SAE1: variants seen among roughly 807,000 people sequenced by gnomAD.
SAE1 encodes SUMO-activating enzyme subunit 1.
In SAE1, 11 loss-of-function variants were observed where a neutral mutation model predicts 40.6. That is an observed-to-expected ratio of 0.27 (90% CI 0.17 to 0.45). The LOEUF (loss-of-function observed/expected upper bound fraction) is 0.45, where lower values mean the gene tolerates loss of function less well. Ranked by LOEUF, SAE1 falls within the 20% of genes least tolerant of loss-of-function variation. SAE1 has a pLI of 1.00. For synonymous variants in SAE1, 155 were observed against 154.3 expected, an observed-to-expected ratio of 1.00 and a Z score of -0.03; for missense variants, 373 against 427.3, an observed-to-expected ratio of 0.87 and a Z score of 1.12.
chr19:47,200,043 G>T (rs952470768), intron 7 of SAE1, among the ~76,000 whole-genome samples: 1 of 151,426 alleles, frequency 6.6e-6, no homozygotes, highest in African/African-American at 2.4e-5. Flanking sequence ...CCATTCTCCT[G>T]CCTCAGCCTC....
chr19:47,175,583 C>CA (rs1434003817), intron 6 of SAE1, among the ~76,000 whole-genome samples: 2 of 151,898 alleles, frequency 1.3e-5, no homozygotes, highest in Non-Finnish European at 2.9e-5. Flanking sequence ...CTAAAAAACA[C>CA]AAAAATTAGC....
intron 6 of SAE1, among the ~76,000 whole-genome samples, chr19:47,174,019 C>CAG (rs1207180628): frequency 6.6e-6 from 1 of 151,904 alleles, no homozygotes; most frequent in Non-Finnish European, 1.5e-5. Context: ...CTCCTGACCT[C>CAG]GTGATCCACC....
chr19:47,170,708 A>G (rs1330205556), intron 6 of SAE1, among the ~76,000 whole-genome samples: 1 of 151,914 alleles, frequency 6.6e-6, no homozygotes, highest in African/African-American at 2.4e-5. Flanking sequence ...AAGTTTCTCC[A>G]TGTAGCCAGG....
chr19:47,176,659 TA>T (rs1568600767), intron 6 of SAE1, among the ~76,000 whole-genome samples: 1 of 152,164 alleles, frequency 6.6e-6, no homozygotes, highest in African/African-American at 2.4e-5. Flanking sequence ...AGATGTTTTT[TA>T]TTGCCCCATT....
intron 6 of SAE1, among the ~76,000 whole-genome samples, chr19:47,190,217 A>G (rs2058570420): frequency 1.3e-5 from 2 of 152,156 alleles, no homozygotes; most frequent in Non-Finnish European, 2.9e-5. Context: ...CAGTGTTTTG[A>G]TACGATTTGA....
At chr19:47,167,231 G>A (rs935251484) in intron 5 of SAE1, among the ~76,000 whole-genome samples, 11 of 151,874 alleles carry the variant, frequency 7.2e-5, no homozygotes, top group Admixed American at 5.9e-4. Flanking sequence ...TAGGATTACA[G>A]GTGTGAGCCA....
chr19:47,160,040 C>A (rs558435987), intron 5 of SAE1, among the ~76,000 whole-genome samples: 4 of 152,196 alleles, frequency 2.6e-5, no homozygotes, highest in South Asian at 4.1e-4. Context: ...ACCTTTGTTA[C>A]CAATGAAATG....
chr19:47,181,314 C>T (rs2058504485), intron 6 of SAE1, among the ~76,000 whole-genome samples: 1 of 151,744 alleles, frequency 6.6e-6, no homozygotes, highest in South Asian at 2.1e-4. Context: ...GAAACTCTAT[C>T]TCAAAATAGT....
At chr19:47,141,470 C>T (rs1302933832) in intron 1 of SAE1, among the ~76,000 whole-genome samples, 1 of 152,094 alleles carries the variant, frequency 6.6e-6, no homozygotes, top group Non-Finnish European at 1.5e-5. Context: ...AACTGCAGAG[C>T]AGTCTGTAGA....
At chr19:47,134,261 G>C (rs751410899) in intron 1 of SAE1, among the ~76,000 whole-genome samples, 1 of 152,110 alleles carries the variant, frequency 6.6e-6, no homozygotes, top group Non-Finnish European at 1.5e-5. Flanking sequence ...ACAGAGTATA[G>C]AATTAATGGA....
At chr19:47,176,722 T>C (rs1376280965) in intron 6 of SAE1, among the ~76,000 whole-genome samples, 2 of 152,182 alleles carry the variant, frequency 1.3e-5, no homozygotes, top group Admixed American at 1.3e-4. Flanking sequence ...TGTTTAGATA[T>C]TGGGTGTTTT....
In SAE1 at chr19:47,209,914, C is replaced by G. The variant is rs1001966888; in HGVS notation, c.*663C>G. 1 of 152,246 alleles carries G rather than the reference C, an allele frequency of 6.6e-6. No individual in the cohort carries two copies. The highest frequency in any genetic ancestry group is 6.6e-5 in the Admixed American group (1 of 15,266). 9.4% of individuals were successfully genotyped at this position (152,246 alleles called of 1,614,324 possible). Reference sequence around the variant, plus strand: ...GGGTTTTGGGAGAAAGGAGATGCTACCAAGTCTTGGATGTTAGGGCGAGAC... The same window carrying G: ...GGGTTTTGGGAGAAAGGAGATGCTAGCAAGTCTTGGATGTTAGGGCGAGAC... On this transcript the variant is annotated 3_prime_UTR_variant, in exon 9 of 9. Coordinates refer to ENST00000270225, the MANE Select transcript of SAE1 (RefSeq NM_005500.3).
intron 5 of SAE1, among the ~76,000 whole-genome samples, chr19:47,169,093 C>G (rs1406460453): frequency 6.6e-6 from 1 of 152,108 alleles, no homozygotes; most frequent in Non-Finnish European, 1.5e-5. Flanking sequence ...TTATGTCATC[C>G]ATCATCATTA....
chr19:47,158,880 G>GTAA (rs2058340294), intron 5 of SAE1, among the ~76,000 whole-genome samples: 2 of 152,210 alleles, frequency 1.3e-5, no homozygotes, highest in Non-Finnish European at 2.9e-5. Context: ...TACAAAGAGG[G>GTAA]ATACCCCTGA....
chr19:47,194,448 T>G (rs1018534955), intron 6 of SAE1, among the ~76,000 whole-genome samples: 4 of 152,210 alleles, frequency 2.6e-5, no homozygotes, highest in African/African-American at 9.6e-5. Flanking sequence ...AGTCTACTTT[T>G]TCAATCAACA....
intron 6 of SAE1, among the ~76,000 whole-genome samples, chr19:47,173,718 C>A (rs966805129): frequency 6.6e-6 from 1 of 152,126 alleles, no homozygotes; most frequent in African/African-American, 2.4e-5. Context: ...TGCCACATGT[C>A]CCCAGTTGAG....
chr19:47,203,574 G>GT (rs1282293717), intron 7 of SAE1, 97 bp from the exon 8 acceptor site: 1 of 1,059,348 alleles, frequency 9.4e-7, no homozygotes, highest in East Asian at 2.4e-5. Context: ...GCTAGAAGTT[G>GT]TTTTTATTCA....
chr19:47,136,683 G>A (rs900261307), intron 1 of SAE1, among the ~76,000 whole-genome samples: 2 of 151,984 alleles, frequency 1.3e-5, no homozygotes, highest in Non-Finnish European at 2.9e-5. Flanking sequence ...TAGTAGAGAC[G>A]GGATTCCTCC....
chr19:47,158,354 A>C (rs1039199038), intron 5 of SAE1, among the ~76,000 whole-genome samples: 1 of 152,190 alleles, frequency 6.6e-6, no homozygotes, highest in African/African-American at 2.4e-5. Context: ...CCTAGCCCAG[A>C]AATAGGTGCT....
Sources: allele counts gnomAD v4.1 joint callset (sites outside exome capture counted in the v4.1 genomes callset), GRCh38; gene constraint gnomAD v4.1.1; transcripts MANE v1.5; gene names NCBI Gene and HGNC (gene_info 2026-07-23, HGNC 2026-07-21).